RHEB: variants seen among roughly 807,000 people sequenced by gnomAD.
The protein encoded by RHEB is Ras homolog, mTORC1 binding, also known as GTP-binding protein Rheb.
RHEB carries 2 observed loss-of-function variants against 28.8 expected under a neutral mutation model. The ratio of observed to expected loss-of-function variants is 0.07; its 90% CI spans 0.03 to 0.22. The LOEUF (loss-of-function observed/expected upper bound fraction) is 0.22, where lower values mean the gene tolerates loss of function less well. Ranked by LOEUF, RHEB falls within the 10% of genes least tolerant of loss-of-function variation. The pLI, the probability that RHEB is intolerant of heterozygous loss-of-function variation, is 1.00. For missense variants in RHEB, 76 were observed against 219.9 expected (o/e 0.35, Z 4.14); for synonymous variants, 69 against 77.3 (o/e 0.89, Z 0.56).
intron 1 of RHEB, among the ~76,000 whole-genome samples, chr7:151,494,451 G>A (rs1802640927): frequency 4.6e-5 from 7 of 152,214 alleles, no homozygotes; most frequent in Non-Finnish European, 1.5e-5. Context: ...GTGCAAAAAC[G>A]GAGTGAGAGA....
intron 2 of RHEB, among the ~76,000 whole-genome samples, chr7:151,486,005 GA>G (rs1172626249): frequency 6.6e-6 from 1 of 152,164 alleles, no homozygotes; most frequent in Non-Finnish European, 1.5e-5. Flanking sequence ...AAGCTGGGGG[GA>G]TACCCAATAT....
At chr7:151,478,690 C>G (rs1470648416) in intron 3 of RHEB, among the ~76,000 whole-genome samples, 1 of 152,050 alleles carries the variant, frequency 6.6e-6, no homozygotes, top group Non-Finnish European at 1.5e-5. Flanking sequence ...GGCTGGAATG[C>G]AATGGCACTA....
At chr7:151,474,218 G>A (rs538290329) in intron 4 of RHEB, among the ~76,000 whole-genome samples, 5 of 150,606 alleles carry the variant, frequency 3.3e-5, no homozygotes, top group Admixed American at 6.6e-5. Context: ...TTGCTTTGTC[G>A]CTCAGGCTGA....
chr7:151,488,431 A>G (rs755076004), intron 2 of RHEB, among the ~76,000 whole-genome samples: 1 of 152,246 alleles, frequency 6.6e-6, no homozygotes. Context: ...CCAGATCTAC[A>G]GAGCAGTTTT....
intron 1 of RHEB, among the ~76,000 whole-genome samples, chr7:151,507,846 A>G (rs1364417240): frequency 6.6e-6 from 1 of 152,248 alleles, no homozygotes; most frequent in East Asian, 1.9e-4. Flanking sequence ...AATAAGAAAT[A>G]CGTTTAATTA....
chr7:151,503,832 A>C (rs1394387749), intron 1 of RHEB, among the ~76,000 whole-genome samples: 1 of 152,168 alleles, frequency 6.6e-6, no homozygotes, highest in East Asian at 1.9e-4. Context: ...GTAAACCTTC[A>C]AAAGTTAATA....
chr7:151,509,021 C>T (rs118040389), intron 1 of RHEB, among the ~76,000 whole-genome samples: 189 of 152,294 alleles, frequency 1.2e-3, no homozygotes, highest in Non-Finnish European at 2.1e-3. Context: ...CATATTCACA[C>T]ATTTTTGTAG....
chr7:151,471,173 G>C (rs912328073), intron 6 of RHEB, among the ~76,000 whole-genome samples: 3 of 152,336 alleles, frequency 2.0e-5, no homozygotes, highest in African/African-American at 7.2e-5. Flanking sequence ...TTTATGCAAA[G>C]TGGCAGATAA....
chr7:151,476,071 A>T (rs916973034), intron 4 of RHEB, among the ~76,000 whole-genome samples: 1 of 152,144 alleles, frequency 6.6e-6, no homozygotes, highest in Non-Finnish European at 1.5e-5. Flanking sequence ...CTTGGTTTTG[A>T]TTCAGGTGTA....
At position 151,492,509 on chromosome 7, in the gene RHEB, C is replaced by G. The variant is rs528117060; in HGVS notation, c.53-1495G>C. Among the ~76,000 whole-genome samples, 142 of 151,730 alleles carry G rather than the reference C, an allele frequency of 9.4e-4. 8 individuals are homozygous for G. In the South Asian group the frequency reaches 0.029, roughly 31 times the overall value. On this transcript the variant is annotated intron_variant, in intron 1 of 7. Coordinates refer to ENST00000262187, the MANE Select transcript of RHEB (RefSeq NM_005614.4). ...ATGGGCACCTGCGATCCCAGCTACT[C>G]AGGAGGCTGAGGCAGGAGGATAGTT...
intron 3 of RHEB, among the ~76,000 whole-genome samples, chr7:151,479,678 G>A (rs554703512): frequency 1.6e-4 from 16 of 98,088 alleles, no homozygotes; most frequent in East Asian, 5.7e-4. Context: ...GCGAGACTCC[G>A]TCTCAAAAAA....
At chr7:151,489,039 C>G (rs375271696) in intron 2 of RHEB, among the ~76,000 whole-genome samples, 1 of 152,160 alleles carries the variant, frequency 6.6e-6, no homozygotes, top group African/African-American at 2.4e-5. Flanking sequence ...CTCCTGGGTT[C>G]AAGTGATCCG....
chr7:151,479,449 A>G (rs189345282), intron 3 of RHEB, among the ~76,000 whole-genome samples: 44 of 152,314 alleles, frequency 2.9e-4, no homozygotes, highest in Admixed American at 1.4e-3. Context: ...TTGGGAGGCC[A>G]AGGTGGGCAG....
At chr7:151,480,462 C>T (rs775387669) in intron 3 of RHEB, among the ~76,000 whole-genome samples, 1 of 144,526 alleles carries the variant, frequency 6.9e-6, no homozygotes, top group Non-Finnish European at 1.5e-5. Flanking sequence ...ATCCTAGAGG[C>T]ATATACTAGA....
At chr7:151,487,796 A>C (rs1300006854) in intron 2 of RHEB, among the ~76,000 whole-genome samples, 1 of 152,174 alleles carries the variant, frequency 6.6e-6, no homozygotes, top group African/African-American at 2.4e-5. Context: ...TGCCTCTTTG[A>C]ATCACCAGAG....
Position 151,471,656 on chromosome 7 carries a change from T to A in RHEB, c.276-51A>T, listed in dbSNP as rs181290726. On this transcript the variant is annotated intron_variant, in intron 4 of 7. Coordinates refer to ENST00000262187, the MANE Select transcript of RHEB (RefSeq NM_005614.4). The stretch of plus-strand genomic sequence containing the variant: ...ACATCCATTTTAATGTTGAAGTTTT[T>A]AAATGTATGTTATGTTGCCAGCTGG... 6.3e-4 allele frequency: 757 copies of A among 1,192,754 alleles called. 5 individuals are homozygous for A. The African/African-American group carries it at 1.0e-2, about 16-fold the overall frequency. The allele number at this position is 1,192,754 out of a possible 1,614,324, so 73.9% of individuals were successfully genotyped here.
rs140246918 is a variant in RHEB, at chr7:151,467,759, C to T, written c.463-548G>A. 7.5e-4 allele frequency among the ~76,000 whole-genome samples: 114 copies of T among 152,300 alleles called. 2 individuals carry two copies. In the East Asian group the frequency reaches 0.016, roughly 22 times the overall value. On this transcript the variant is annotated intron_variant, in intron 7 of 7. Coordinates refer to ENST00000262187, the MANE Select transcript of RHEB (RefSeq NM_005614.4). ...AACTGCCCTCCCTATCTCCTGGCCT[C>T]TCCTCTCCTGCCCGTCTTCCTGCCC...
At chr7:151,517,641 G>C (rs897490644) in intron 1 of RHEB, among the ~76,000 whole-genome samples, 1 of 140,768 alleles carries the variant, frequency 7.1e-6, no homozygotes, top group East Asian at 2.1e-4. Flanking sequence ...TGAATAGAGG[G>C]AAGATAAAAC....
chr7:151,503,262 G>A (rs1240758739), intron 1 of RHEB: 1 of 781,428 alleles, frequency 1.3e-6, no homozygotes, highest in Non-Finnish European at 2.4e-6. Context: ...AGCTTATCGA[G>A]AGCATGCCCC....
Sources: gnomAD v4.1 joint callset for allele counts (sites outside exome capture counted in the v4.1 genomes callset) on GRCh38, gnomAD v4.1.1 for gene constraint, MANE v1.5 for transcripts, NCBI Gene and HGNC (gene_info 2026-07-23, HGNC 2026-07-21) for gene names.